The following EEF1AKMT1 variants were observed in gnomAD, a reference collection of about 807,000 sequenced individuals.
The protein encoded by EEF1AKMT1 is N-6 adenine-specific DNA methyltransferase 2 (putative).
A neutral mutation model predicts 21.0 loss-of-function variants in EEF1AKMT1; 18 were observed. The observed-to-expected ratio is 0.86, with a 90% confidence interval of 0.59 to 1.27. The LOEUF (loss-of-function observed/expected upper bound fraction) is 1.27, where lower values mean the gene tolerates loss of function less well. EEF1AKMT1 is among the 50% of genes most tolerant of loss of function. The pLI, the probability that EEF1AKMT1 is intolerant of heterozygous loss-of-function variation, is 0.00. For synonymous variants in EEF1AKMT1, 109 were observed against 94.8 expected (o/e 1.15, Z -0.87); for missense variants, 246 against 258.6 (o/e 0.95, Z 0.33).
chr13:20,749,118 C>T (rs908506095), intron 2 of EEF1AKMT1, among the ~76,000 whole-genome samples: 15 of 152,292 alleles, frequency 9.8e-5, no homozygotes, highest in South Asian at 4.1e-4. Context: ...AATTGCTTTT[C>T]CTTTCAGTAG....
chr13:20,737,138 G>C (rs1358833015), intron 3 of EEF1AKMT1, among the ~76,000 whole-genome samples: 1 of 152,046 alleles, frequency 6.6e-6, no homozygotes, highest in Non-Finnish European at 1.5e-5. Context: ...GCCTGAGGCA[G>C]GTGGATCACA....
intron 2 of EEF1AKMT1, among the ~76,000 whole-genome samples, chr13:20,741,137 G>T (rs914041157): frequency 1.3e-5 from 2 of 151,832 alleles, no homozygotes; most frequent in African/African-American, 2.4e-5. Context: ...ATGCCTTCTG[G>T]ATATGATCAG....
intron 2 of EEF1AKMT1, among the ~76,000 whole-genome samples, chr13:20,750,851 T>C (rs1178241565): frequency 6.6e-6 from 1 of 152,176 alleles, no homozygotes; most frequent in Non-Finnish European, 1.5e-5. Context: ...CAGTACCTGG[T>C]ATTTTTAATC....
At chr13:20,739,346 G>C (rs771815123) in intron 2 of EEF1AKMT1, among the ~76,000 whole-genome samples, 18 of 152,304 alleles carry the variant, frequency 1.2e-4, no homozygotes, top group Middle Eastern at 6.8e-3. Flanking sequence ...CAACCCAAGA[G>C]GGTTGCCGCC....
intron 2 of EEF1AKMT1, among the ~76,000 whole-genome samples, chr13:20,738,038 AT>A (rs1194815943): frequency 6.6e-6 from 1 of 152,250 alleles, no homozygotes; most frequent in Non-Finnish European, 1.5e-5. Context: ...GGCACTGAGT[AT>A]CAACGGCTAT....
chr13:20,751,320 C>G (rs2058938958), intron 2 of EEF1AKMT1, among the ~76,000 whole-genome samples: 1 of 152,140 alleles, frequency 6.6e-6, no homozygotes, highest in Non-Finnish European at 1.5e-5. Context: ...ATGCTTACGT[C>G]TAATCCATCT....
chr13:20,762,378 T>C (rs888443219), intron 1 of EEF1AKMT1, among the ~76,000 whole-genome samples: 4 of 151,676 alleles, frequency 2.6e-5, no homozygotes, highest in Non-Finnish European at 5.9e-5. Flanking sequence ...TTAGTAGAGA[T>C]GGGGTTTCAC....
intron 4 of EEF1AKMT1, among the ~76,000 whole-genome samples, chr13:20,730,985 C>A (rs531703298): frequency 7.2e-5 from 11 of 152,316 alleles, no homozygotes; most frequent in African/African-American, 2.6e-4. Context: ...TTCCTGAAGT[C>A]AGCGAGACCA....
At chr13:20,753,704 A>G (rs551044923) in intron 2 of EEF1AKMT1, among the ~76,000 whole-genome samples, 1 of 152,206 alleles carries the variant, frequency 6.6e-6, no homozygotes, top group East Asian at 1.9e-4. Flanking sequence ...TTTACTTAAA[A>G]TCTGCTTTAT....
At chr13:20,763,073 C>T (rs796808721) in intron 1 of EEF1AKMT1, among the ~76,000 whole-genome samples, 58 of 152,216 alleles carry the variant, frequency 3.8e-4, no homozygotes, top group African/African-American at 1.3e-3. Context: ...GATTTCGTCA[C>T]CTATCTTCAT....
intron 2 of EEF1AKMT1, among the ~76,000 whole-genome samples, chr13:20,742,248 AT>A (rs1465005049): frequency 6.6e-6 from 1 of 151,728 alleles, no homozygotes; most frequent in Non-Finnish European, 1.5e-5. Context: ...CCTATATTTA[AT>A]TTTTATTTTT....
chr13:20,748,590 C>T (rs2058921239), intron 2 of EEF1AKMT1, among the ~76,000 whole-genome samples: 1 of 152,030 alleles, frequency 6.6e-6, no homozygotes, highest in Non-Finnish European at 1.5e-5. Flanking sequence ...TCTCTAAATA[C>T]TACGTTTTAA....
chr13:20,729,321 GT>G, intron 4 of EEF1AKMT1, 105 bp from the exon 5 acceptor site: 1 of 1,317,092 alleles, frequency 7.6e-7, no homozygotes, highest in South Asian at 1.3e-5. Flanking sequence ...GTGGCAATTA[GT>G]TGACAATTCA....
chr13:20,733,146 A>T (rs1198775885), intron 3 of EEF1AKMT1, among the ~76,000 whole-genome samples: 1 of 134,036 alleles, frequency 7.5e-6, no homozygotes, highest in Non-Finnish European at 1.5e-5. Flanking sequence ...CCCAGGCTGG[A>T]GTGCAGTGGC....
intron 2 of EEF1AKMT1, among the ~76,000 whole-genome samples, chr13:20,738,675 A>G (rs1223112607): frequency 6.6e-6 from 1 of 152,244 alleles, no homozygotes; most frequent in Non-Finnish European, 1.5e-5. Context: ...GTACTGATAT[A>G]TGCTACATGG....
intron 4 of EEF1AKMT1, among the ~76,000 whole-genome samples, chr13:20,730,729 G>A (rs2058787813): frequency 6.6e-6 from 1 of 152,188 alleles, no homozygotes; most frequent in Non-Finnish European, 1.5e-5. Context: ...GGACCAATCA[G>A]CACTCTCTGA....
At chr13:20,771,189 T>G (rs150886644) in intron 1 of EEF1AKMT1, among the ~76,000 whole-genome samples, 1 of 152,300 alleles carries the variant, frequency 6.6e-6, no homozygotes, top group Non-Finnish European at 1.5e-5. Context: ...TTTTTATTAG[T>G]ACTTTCCACA....
intron 4 of EEF1AKMT1, among the ~76,000 whole-genome samples, chr13:20,730,621 G>A (rs2058787113): frequency 6.6e-6 from 1 of 152,182 alleles, no homozygotes; most frequent in Non-Finnish European, 1.5e-5. Flanking sequence ...CCCACTGAGA[G>A]GTGAAGCCAG....
At chr13:20,772,171 A>T (rs1024114687) in intron 1 of EEF1AKMT1, among the ~76,000 whole-genome samples, 12 of 151,960 alleles carry the variant, frequency 7.9e-5, no homozygotes, top group African/African-American at 1.7e-4. Flanking sequence ...TTATTTTTAA[A>T]TTTTTTCTGG....
Sources: gnomAD v4.1 joint callset for allele counts (sites outside exome capture counted in the v4.1 genomes callset) on GRCh38, gnomAD v4.1.1 for gene constraint, MANE v1.5 for transcripts, NCBI Gene and HGNC (gene_info 2026-07-23, HGNC 2026-07-21) for gene names.